The following DOK6 variants were observed in gnomAD, a reference collection of about 807,000 sequenced individuals.
The protein encoded by DOK6 is docking protein 6, also known as downstream of tyrosine kinase 6.
DOK6 carries 22 observed loss-of-function variants against 44.0 expected under a neutral mutation model. The observed-to-expected ratio is 0.50, with a 90% CI of 0.36 to 0.71. DOK6 has a LOEUF of 0.71. Among genes scored for constraint, DOK6 ranks in the 30% least tolerant of loss-of-function variants. DOK6 has a pLI of 0.00. For missense variants in DOK6, 340 were observed against 416.4 expected, an observed-to-expected ratio of 0.82 and a Z score of 1.60; for synonymous variants, 166 against 145.5, an observed-to-expected ratio of 1.14 and a Z score of -1.01.
At chr18:69,631,754 G>GA (rs1330850834) in intron 3 of DOK6, among the ~76,000 whole-genome samples, 4 of 152,172 alleles carry the variant, frequency 2.6e-5, no homozygotes, top group Admixed American at 2.0e-4. Flanking sequence ...CATCTGACTT[G>GA]AAAACTACTG....
intron 3 of DOK6, among the ~76,000 whole-genome samples, chr18:69,645,683 G>C (rs1373881916): frequency 2.6e-5 from 4 of 151,126 alleles, no homozygotes; most frequent in Non-Finnish European, 5.9e-5. Context: ...CTTTATCCCA[G>C]GAAAAAAAAA....
intron 3 of DOK6, among the ~76,000 whole-genome samples, chr18:69,627,361 C>G (rs1478846743): frequency 6.6e-6 from 1 of 152,134 alleles, no homozygotes; most frequent in Non-Finnish European, 1.5e-5. Flanking sequence ...GTCCATGGTG[C>G]TTTAGGGGGA....
At chr18:69,837,729 T>A (rs1391059223) in intron 7 of DOK6, among the ~76,000 whole-genome samples, 1 of 151,996 alleles carries the variant, frequency 6.6e-6, no homozygotes, top group Non-Finnish European at 1.5e-5. Flanking sequence ...CAGAAAAAAA[T>A]GAGGCTCCAA....
chr18:69,799,484 A>AG (rs1287552017), intron 7 of DOK6, among the ~76,000 whole-genome samples: 1 of 152,092 alleles, frequency 6.6e-6, no homozygotes, highest in Non-Finnish European at 1.5e-5. Context: ...AGTGAAAAAA[A>AG]GCATAAAATG....
rs570242766 is a variant in DOK6 at position 69,657,580 on chromosome 18, A to G, written c.290-20154A>G. Among the ~76,000 whole-genome samples, 21 of 152,358 alleles carry G rather than the reference A, an allele frequency of 1.4e-4. No homozygotes were observed. The South Asian group carries it at 4.4e-3, about 32-fold the overall frequency. On this transcript the variant is annotated intron_variant, in intron 3 of 7. Transcript: ENST00000382713. ...CAGAAAAATATAACAGGCGAAAGCT[A>G]CCAAAGAAAGTTGATGTAATGAGAT...
intron 4 of DOK6, among the ~76,000 whole-genome samples, chr18:69,689,649 A>T (rs1242371459): frequency 6.6e-6 from 1 of 152,138 alleles, no homozygotes; most frequent in Non-Finnish European, 1.5e-5. Context: ...AGATTTTAGT[A>T]CTCAATGTAA....
intron 1 of DOK6, among the ~76,000 whole-genome samples, chr18:69,492,778 G>C (rs1380571923): frequency 9.5e-6 from 1 of 105,668 alleles, no homozygotes; most frequent in Non-Finnish European, 2.4e-5. Flanking sequence ...AATATTCCAT[G>C]GTGTATATGT....
At chr18:69,427,898 C>T (rs948706869) in intron 1 of DOK6, among the ~76,000 whole-genome samples, 11 of 151,880 alleles carry the variant, frequency 7.2e-5, no homozygotes, top group Non-Finnish European at 1.6e-4. Context: ...CTACCTCAGC[C>T]TCCTGAGTAG....
intron 1 of DOK6, among the ~76,000 whole-genome samples, chr18:69,486,604 G>T (rs921478939): frequency 6.6e-6 from 1 of 152,134 alleles, no homozygotes; most frequent in Non-Finnish European, 1.5e-5. Context: ...AATGCCAGTG[G>T]CTGAACCCAC....
At chr18:69,415,823 T>C (rs1375627276) in intron 1 of DOK6, among the ~76,000 whole-genome samples, 1 of 152,090 alleles carries the variant, frequency 6.6e-6, no homozygotes, top group Non-Finnish European at 1.5e-5. Context: ...TTACGATTCA[T>C]ATATTAAATC....
intron 5 of DOK6, among the ~76,000 whole-genome samples, chr18:69,737,084 T>C (rs1978635439): frequency 2.0e-5 from 3 of 152,202 alleles, no homozygotes; most frequent in Admixed American, 6.5e-5. Context: ...TAGACAGATA[T>C]GAAACAGTCT....
Position 69,474,351 on chromosome 18 carries a change from C to T in DOK6, c.66+73041C>T, listed in dbSNP as rs189525867. On this transcript the variant is annotated intron_variant, in intron 1 of 7. Coordinates refer to ENST00000382713, the MANE Select transcript of DOK6 (RefSeq NM_152721.6). ...GAACAATTATAAAAGCAACATGGCC[C>T]CCTAAGTATTGGAGAAGCAGAAAAG... Among the ~76,000 whole-genome samples, 390 of 152,132 alleles carry T rather than the reference C, an allele frequency of 2.6e-3. 2 individuals carry two copies. Among genetic ancestry groups the T allele is most frequent in the Non-Finnish European group, 3.0e-3 (207 of 68,010 alleles).
At chr18:69,485,174 C>G (rs1447623063) in intron 1 of DOK6, among the ~76,000 whole-genome samples, 1 of 152,130 alleles carries the variant, frequency 6.6e-6, no homozygotes, top group African/African-American at 2.4e-5. Flanking sequence ...GTGGAATCAA[C>G]TGTTCAACAG....
At chr18:69,535,050 A>G (rs1437316854) in intron 1 of DOK6, among the ~76,000 whole-genome samples, 1 of 151,964 alleles carries the variant, frequency 6.6e-6, no homozygotes, top group Admixed American at 6.6e-5. Flanking sequence ...GTCTCAGTGC[A>G]CCTTCATTCT....
intron 1 of DOK6, among the ~76,000 whole-genome samples, chr18:69,471,322 T>C (rs912993850): frequency 4.8e-5 from 7 of 147,026 alleles, no homozygotes; most frequent in Admixed American, 2.0e-4. Context: ...GGCTGCCTGC[T>C]GGCTCCAGGC....
At chr18:69,811,387 G>A (rs564423150) in intron 7 of DOK6, among the ~76,000 whole-genome samples, 3 of 151,676 alleles carry the variant, frequency 2.0e-5, no homozygotes, top group South Asian at 2.1e-4. Context: ...GAGATCTATT[G>A]TACAACATGA....
chr18:69,455,170 A>G (rs1461095041), intron 1 of DOK6, among the ~76,000 whole-genome samples: 34 of 136,018 alleles, frequency 2.5e-4, no homozygotes, highest in South Asian at 9.3e-4. Flanking sequence ...AAAAAAAAAA[A>G]AAAAGAAAAG....
At chr18:69,549,366 T>A (rs930937478) in intron 1 of DOK6, among the ~76,000 whole-genome samples, 2 of 151,538 alleles carry the variant, frequency 1.3e-5, no homozygotes, top group African/African-American at 2.4e-5. Flanking sequence ...ATGCTTTTTT[T>A]ATTAAATTAG....
intron 6 of DOK6, among the ~76,000 whole-genome samples, chr18:69,748,886 C>CA: frequency 6.6e-6 from 1 of 152,074 alleles, no homozygotes; most frequent in Non-Finnish European, 1.5e-5. Flanking sequence ...TTCACAATAG[C>CA]AAATACATGG....
Sources: allele counts gnomAD v4.1 joint callset (sites outside exome capture counted in the v4.1 genomes callset), GRCh38; gene constraint gnomAD v4.1.1; transcripts MANE v1.5; gene names NCBI Gene and HGNC (gene_info 2026-07-23, HGNC 2026-07-21).